RNF19A: variants seen among roughly 807,000 people sequenced by gnomAD.
RNF19A encodes the protein ring finger protein 19A, RBR E3 ubiquitin protein ligase, also known as E3 ubiquitin-protein ligase RNF19A.
Under a neutral mutation model 75.7 loss-of-function variants are expected in RNF19A, and 32 were observed. The observed-to-expected ratio is 0.42, with a 90% CI of 0.32 to 0.57. RNF19A has a LOEUF of 0.57. Ranked by LOEUF, RNF19A falls within the 20% of genes least tolerant of loss-of-function variation. The pLI is 0.10. For missense variants in RNF19A, 782 were observed against 1,036.3 expected, an observed-to-expected ratio of 0.75 and a Z score of 3.37; for synonymous variants, 335 against 345.2, an observed-to-expected ratio of 0.97 and a Z score of 0.33.
At position 100,284,407 on chromosome 8, in the gene RNF19A, A is replaced by T. The variant is rs538875215; in HGVS notation, c.674+3094T>A. 2.0e-5 allele frequency among the ~76,000 whole-genome samples: 3 copies of T among 152,192 alleles called. No individual in the cohort carries two copies. The highest frequency in any genetic ancestry group is 4.4e-5 in the Non-Finnish European group (3 of 68,002). ...CGACCATAACAACTAACAGAGCAGT[A>T]TAAGTCAAATATAAAATAAAATACA... On this transcript the variant is annotated intron_variant, in intron 2 of 9. Coordinates refer to ENST00000341084, the MANE Select transcript of RNF19A (RefSeq NM_183419.4). The surrounding 1 kb of genome is among the most constrained non-coding windows in gnomAD (Gnocchi z 4.3).
At chr8:100,311,675 G>A (rs990230225), upstream of RNF19A, among the ~76,000 whole-genome samples, 3 of 134,324 alleles carry the variant, frequency 2.2e-5, no homozygotes, top group South Asian at 2.2e-4. Flanking sequence ...CAGAGATCTC[G>A]CCACTGCACT....
At chr8:100,318,159 C>A (rs981993016) in intron 1 of RNF19A, among the ~76,000 whole-genome samples, 1 of 152,122 alleles carries the variant, frequency 6.6e-6, no homozygotes, top group African/African-American at 2.4e-5. Flanking sequence ...AAATATTTTT[C>A]TTTGGTTTTA....
At chr8:100,327,563 T>C (rs1486609531) in intron 1 of RNF19A, among the ~76,000 whole-genome samples, 1 of 152,204 alleles carries the variant, frequency 6.6e-6, no homozygotes, top group Non-Finnish European at 1.5e-5. Context: ...AATTACTTCT[T>C]ATATGCTACT....
Position 100,333,656 on chromosome 8 carries a change from A to T in RNF19A, c.-243+2452T>A, listed in dbSNP as rs1277717311. On this transcript the variant is annotated intron_variant, in intron 1 of 3. Coordinates refer to the RNF19A transcript ENST00000519527. The surrounding 1 kb of genome is among the most constrained non-coding windows in gnomAD (Gnocchi z 4.7). ...ACATAGCAAGAGCCCATCTCTAAAAATTTTTTTAAAACAATAGCTGGGCAT... is the reference window on the plus strand; with the variant it reads ...ACATAGCAAGAGCCCATCTCTAAAATTTTTTTTAAAACAATAGCTGGGCAT... Among the ~76,000 whole-genome samples the T allele has an allele frequency of 1.3e-5, 2 of 152,154 alleles. No homozygotes were observed. The highest frequency in any genetic ancestry group is 2.1e-4 in the South Asian group (1 of 4,830).
chr8:100,262,793 A>G (rs1819784157), intron 7 of RNF19A, among the ~76,000 whole-genome samples: 3 of 152,188 alleles, frequency 2.0e-5, no homozygotes, highest in Admixed American at 2.0e-4. Flanking sequence ...AGCTTGGACT[A>G]AGGGAAGGAC....
In RNF19A at chr8:100,317,781, T is replaced by C. The variant is rs528822820; in HGVS notation, c.-242-4409A>G. On this transcript the variant is annotated intron_variant, in intron 1 of 3. Transcript: ENST00000519527. This position sits in a 1 kb window ranked among gnomAD's most constrained non-coding sequence, Gnocchi z 4.3. ...CAGGATGTCAGCAGGTGATGAGCAATGACTTAGAGTGACCATATGTGGCAG... is the reference window on the plus strand; with the variant it reads ...CAGGATGTCAGCAGGTGATGAGCAACGACTTAGAGTGACCATATGTGGCAG... Among the ~76,000 whole-genome samples, 1 of 152,290 alleles carries C rather than the reference T, an allele frequency of 6.6e-6. No homozygotes were observed. The highest frequency in any genetic ancestry group is 2.1e-4 in the South Asian group (1 of 4,822).
At chr8:100,311,717 C>CA (rs55695585), upstream of RNF19A, among the ~76,000 whole-genome samples, 18 of 89,854 alleles carry the variant, frequency 2.0e-4, no homozygotes, top group East Asian at 8.7e-4. Flanking sequence ...GACTCCGTCT[C>CA]AAAAAAAAAA....
intron 2 of RNF19A, among the ~76,000 whole-genome samples, chr8:100,283,579 G>A (rs867673155): frequency 3.3e-5 from 5 of 152,144 alleles, no homozygotes; most frequent in Admixed American, 1.3e-4. Context: ...AGAGTGGAAA[G>A]AATATTAGGT....
upstream of RNF19A, among the ~76,000 whole-genome samples, chr8:100,311,140 A>G (rs535121767): frequency 6.6e-6 from 1 of 152,360 alleles, no homozygotes; most frequent in Admixed American, 6.5e-5. Context: ...CCAAGGAGCC[A>G]TGGTCTTTCC....
chr8:100,325,330 A>G lies in RNF19A; in HGVS notation c.-243+10778T>C, dbSNP rs935546193. On this transcript the variant is annotated intron_variant, in intron 1 of 3. Transcript: ENST00000519527. The surrounding 1 kb of genome is among the most constrained non-coding windows in gnomAD (Gnocchi z 4.3). The stretch of plus-strand genomic sequence containing the variant: ...TTGGTTTCTGAGTCTTCCAAAAAGT[A>G]GTTACAATGTAACTGTGTAAATTTA... Among the ~76,000 whole-genome samples, 1 of 152,218 alleles carries G rather than the reference A, an allele frequency of 6.6e-6. No individual in the cohort carries two copies. Among genetic ancestry groups the G allele is most frequent in the Non-Finnish European group, 1.5e-5 (1 of 68,028 alleles).
At chr8:100,297,890 T>G (rs996295985) in intron 1 of RNF19A, among the ~76,000 whole-genome samples, 22 of 152,052 alleles carry the variant, frequency 1.4e-4, no homozygotes, top group African/African-American at 4.8e-4. Context: ...AAATATGGGG[T>G]AGTGATAGAG....
At chr8:100,328,757 A>G (rs1261587477) in intron 1 of RNF19A, among the ~76,000 whole-genome samples, 8 of 152,226 alleles carry the variant, frequency 5.3e-5, no homozygotes, top group African/African-American at 1.9e-4. Context: ...GGCGTGAGAC[A>G]CCGCACCTGG....
At chr8:100,292,435 G>GGGGGGTGTGT (rs137938989) in intron 1 of RNF19A, among the ~76,000 whole-genome samples, 153 of 145,324 alleles carry the variant, frequency 1.1e-3, no homozygotes, top group African/African-American at 3.7e-3. Flanking sequence ...CTATCATATG[G>GGGGGGTGTGT]GTGTGTGTGT....
At position 100,259,798 on chromosome 8, in the gene RNF19A, G is replaced by A. The variant is rs564776312; in HGVS notation, c.1826+56C>T. ...TCACTGGTAATTTGTCTAATGATAG[G>A]AATTATTCCTTTAATTTAAAAAATA... On this transcript the variant is annotated intron_variant, in intron 9 of 9. Transcript: ENST00000341084. This position sits in a 1 kb window ranked among gnomAD's most constrained non-coding sequence, Gnocchi z 4.5. 344 of 1,468,912 alleles carry A rather than the reference G, an allele frequency of 2.3e-4. 3 individuals carry two copies. The South Asian group carries it at 3.8e-3, about 16-fold the overall frequency. 91.0% of individuals were successfully genotyped at this position (1,468,912 alleles called of 1,614,324 possible). A position where few individuals can be genotyped will look rare whatever the true frequency, so the allele number is the denominator to read the frequency against.
At chr8:100,283,532 G>T (rs547584284) in intron 2 of RNF19A, among the ~76,000 whole-genome samples, 1 of 152,128 alleles carries the variant, frequency 6.6e-6, no homozygotes, top group Non-Finnish European at 1.5e-5. Flanking sequence ...TAGAAATACC[G>T]TCCTTCAAAC....
chr8:100,308,475 G>A (rs1233386684), intron 1 of RNF19A, among the ~76,000 whole-genome samples: 2 of 152,114 alleles, frequency 1.3e-5, no homozygotes, highest in African/African-American at 4.8e-5. Flanking sequence ...ACTCAATTCA[G>A]ATAGTTCAGT....
At position 100,329,769 on chromosome 8, in the gene RNF19A, G is replaced by T. The variant is rs1822586306; in HGVS notation, c.-243+6339C>A. Reference sequence around the variant, plus strand: ...CTTAAAGGATCGTCTGATGAAAGAAGAAGTAGCTTCATGGTTTGTTAATCC... The same window carrying T: ...CTTAAAGGATCGTCTGATGAAAGAATAAGTAGCTTCATGGTTTGTTAATCC... On this transcript the variant is annotated intron_variant, in intron 1 of 3. Coordinates refer to the RNF19A transcript ENST00000519527. This position sits in a 1 kb window ranked among gnomAD's most constrained non-coding sequence, Gnocchi z 4.3. 6.6e-6 allele frequency among the ~76,000 whole-genome samples: 1 copy of T among 152,202 alleles called. No individual in the cohort carries two copies. Among genetic ancestry groups the T allele is most frequent in the East Asian group, 1.9e-4 (1 of 5,204 alleles).
rs541611993 is a variant in RNF19A, at chr8:100,331,509, C to T, written c.-243+4599G>A. Among the ~76,000 whole-genome samples, 7 of 152,008 alleles carry T rather than the reference C, an allele frequency of 4.6e-5. No homozygotes were observed. Among genetic ancestry groups the T allele is most frequent in the African/African-American group, 1.7e-4 (7 of 41,440 alleles). ...AAAAGTAGCTGGGCATGGTGGCATGCACCAGCAGTCCCAGCTACTCGGGAG... is the reference window on the plus strand; with the variant it reads ...AAAAGTAGCTGGGCATGGTGGCATGTACCAGCAGTCCCAGCTACTCGGGAG... On this transcript the variant is annotated intron_variant, in intron 1 of 3. Transcript: ENST00000519527. The surrounding 1 kb of genome is among the most constrained non-coding windows in gnomAD (Gnocchi z 5.2).
At chr8:100,316,349 C>T (rs1012716126) in intron 1 of RNF19A, among the ~76,000 whole-genome samples, 3 of 152,102 alleles carry the variant, frequency 2.0e-5, no homozygotes, top group Non-Finnish European at 4.4e-5. Context: ...TGGAAGGGGA[C>T]CCCAGTGGGT....
Sources: gnomAD v4.1 joint callset for allele counts (sites outside exome capture counted in the v4.1 genomes callset) on GRCh38, gnomAD v4.1.1 for gene constraint, Gnocchi (gnomAD v3.1) non-coding constraint, MANE v1.5 for transcripts, NCBI Gene and HGNC (gene_info 2026-07-23, HGNC 2026-07-21) for gene names.